Variants in TMEM74 observed in about 807,000 individuals in gnomAD.
TMEM74 encodes transmembrane protein 74.
Under a neutral mutation model 18.1 loss-of-function variants are expected in TMEM74, and 13 were observed. The ratio of observed to expected loss-of-function variants is 0.72; its 90% CI spans 0.47 to 1.14. TMEM74 has a LOEUF of 1.14. Among genes scored for constraint, TMEM74 ranks in the 50% most tolerant of loss-of-function variants. The pLI is 0.00. For synonymous variants in TMEM74, 159 were observed against 146.6 expected, an observed-to-expected ratio of 1.08 and a Z score of -0.61; for missense variants, 372 against 375.9, an observed-to-expected ratio of 0.99 and a Z score of 0.09.
downstream of TMEM74, among the ~76,000 whole-genome samples, chr8:108,775,773 A>T (rs1356570172): frequency 6.6e-6 from 1 of 152,114 alleles, no homozygotes; most frequent in Non-Finnish European, 1.5e-5. Flanking sequence ...GCAATCAAGA[A>T]ATTCTTTCCT....
At chr8:108,770,619 A>G (rs76971017) in intron 1 of TMEM74, among the ~76,000 whole-genome samples, 1,994 of 152,162 alleles carry the variant, frequency 0.013, 20 homozygotes, top group Middle Eastern at 0.068. Flanking sequence ...TTTCTACTCT[A>G]TTTTCCTCAG....
intron 1 of TMEM74, among the ~76,000 whole-genome samples, chr8:108,741,368 G>A (rs1813798553): frequency 6.6e-6 from 1 of 152,174 alleles, no homozygotes; most frequent in East Asian, 1.9e-4. Context: ...TCTTTTGTAT[G>A]TATAAAGCAT....
intron 2 of TMEM74, among the ~76,000 whole-genome samples, chr8:108,621,970 A>G (rs1563734199): frequency 6.6e-6 from 1 of 152,236 alleles, no homozygotes; most frequent in East Asian, 1.9e-4. Flanking sequence ...ACATATGTAG[A>G]AAAATCTTCC....
In TMEM74 at chr8:108,679,574, C is replaced by T. The variant is rs568374234; in HGVS notation, n.120-24137G>A. On this transcript the variant is annotated intron_variant and non_coding_transcript_variant, in intron 1 of 3. Transcript: ENST00000518838. ...TTGAGAAGTGTCTGTTCATATCCTT[C>T]GCCCACTTTTTGATGGGGTTGTTTG... 7.2e-4 allele frequency among the ~76,000 whole-genome samples: 110 copies of T among 152,218 alleles called. 1 individual carries two copies. Among genetic ancestry groups the T allele is most frequent in the Non-Finnish European group, 8.8e-4 (60 of 68,002 alleles).
At chr8:108,709,499 T>TA (rs1248985207) in intron 1 of TMEM74, among the ~76,000 whole-genome samples, 1 of 152,142 alleles carries the variant, frequency 6.6e-6, no homozygotes, top group Non-Finnish European at 1.5e-5. Flanking sequence ...AAACAGAGAA[T>TA]ACAGTAGTGG....
intron 1 of TMEM74, among the ~76,000 whole-genome samples, chr8:108,672,846 G>A (rs1285064453): frequency 6.6e-6 from 1 of 152,198 alleles, no homozygotes; most frequent in East Asian, 1.9e-4. Context: ...AGCAAGACCA[G>A]TTCTTCACTC....
At chr8:108,690,031 A>G (rs1010983852) in intron 1 of TMEM74, among the ~76,000 whole-genome samples, 3 of 152,184 alleles carry the variant, frequency 2.0e-5, no homozygotes, top group Non-Finnish European at 2.9e-5. Context: ...TGGGTTAGAG[A>G]AGTACATAAA....
rs184727678 is a variant in TMEM74 at position 108,730,587 on chromosome 8, C to G, written n.119+56889G>C. Among the ~76,000 whole-genome samples the G allele has an allele frequency of 1.3e-3, 191 of 151,234 alleles. 1 individual carries two copies. Among genetic ancestry groups the G allele is most frequent in the African/African-American group, 4.5e-3 (183 of 40,996 alleles). On this transcript the variant is annotated intron_variant and non_coding_transcript_variant, in intron 1 of 3. Coordinates refer to the TMEM74 transcript ENST00000518838. ...TTTATTCACCTTTTATTGTGCATCTCCAGAATGTAAAACTATACGCTTTAG... is the reference window on the plus strand; with the variant it reads ...TTTATTCACCTTTTATTGTGCATCTGCAGAATGTAAAACTATACGCTTTAG...
At chr8:108,723,173 T>C (rs1279717639) in intron 1 of TMEM74, among the ~76,000 whole-genome samples, 2 of 152,216 alleles carry the variant, frequency 1.3e-5, no homozygotes, top group African/African-American at 2.4e-5. Flanking sequence ...TGTTTTTTAT[T>C]CTGGATTCTG....
intron 2 of TMEM74, among the ~76,000 whole-genome samples, chr8:108,642,300 G>T (rs2130562805): frequency 6.6e-6 from 1 of 151,162 alleles, no homozygotes; most frequent in East Asian, 2.0e-4. Context: ...TCAGGAGGCT[G>T]AGACAGGAGA....
intron 1 of TMEM74, among the ~76,000 whole-genome samples, chr8:108,706,438 A>C (rs924223018): frequency 3.3e-5 from 5 of 152,306 alleles, no homozygotes; most frequent in Admixed American, 2.6e-4. Flanking sequence ...TCTTCCCTGC[A>C]TATCTACACA....
Position 108,785,004 on chromosome 8 carries a change from T to C in TMEM74, c.95A>G (p.Asp32Gly), listed in dbSNP as rs1814363805. 2 of 1,614,054 alleles carry C rather than the reference T, an allele frequency of 1.2e-6. No individual in the cohort carries two copies. The highest frequency in any genetic ancestry group is 2.2e-5 in the East Asian group (1 of 44,884). ...SSRGLPGDQA[D>G]TAATRAALCC... is the part of the protein sequence containing the mutation. ...GAGAGCAGCTCTTGTGGCTGCTGTA[T>C]CTGCCTGGTCACCAGGCAGCCCTCT... The change falls in exon 2 of 2, where the codon GAT becomes GGT. Residue 32 changes from aspartate (D) to glycine (G), a missense_variant. Asp to Gly is a moderately conservative substitution (Grantham distance 94, BLOSUM62 -1). Transcript: ENST00000297459.
At chr8:108,610,103 A>T (rs1029910777) in intron 2 of TMEM74, among the ~76,000 whole-genome samples, 1 of 152,228 alleles carries the variant, frequency 6.6e-6, no homozygotes, top group African/African-American at 2.4e-5. Context: ...AAAGATTTTG[A>T]CCTGAACTAG....
chr8:108,720,809 C>G (rs937087188), intron 1 of TMEM74, among the ~76,000 whole-genome samples: 2 of 152,040 alleles, frequency 1.3e-5, no homozygotes, highest in Non-Finnish European at 2.9e-5. Context: ...TGCTCTGTCG[C>G]CCAGGCTGGA....
rs1813971865 is a variant in TMEM74, at chr8:108,756,652, GAA to G, written n.119+30822_119+30823del. ...GAAGGAAGGAAGGAAGAAAGAAAGA[GAA>G]AGAAAGAAAGAAAGAAAGAAAGAAA... On this transcript the variant is annotated intron_variant and non_coding_transcript_variant, in intron 1 of 3. Transcript: ENST00000518838. 1.8e-4 allele frequency among the ~76,000 whole-genome samples: 7 copies of G among 39,012 alleles called. 1 individual carries two copies. The highest frequency in any genetic ancestry group is 1.0e-3 in the African/African-American group (7 of 6,996). 25.6% of individuals were successfully genotyped at this position (39,012 alleles called of 152,430 possible). A position where few individuals can be genotyped will look rare whatever the true frequency, so the allele number is the denominator to read the frequency against.
At chr8:108,708,070 T>C (rs1222615666) in intron 1 of TMEM74, among the ~76,000 whole-genome samples, 1 of 152,150 alleles carries the variant, frequency 6.6e-6, no homozygotes, top group Non-Finnish European at 1.5e-5. Context: ...TGTTCTCTTC[T>C]TTGTGTCCAT....
At chr8:108,609,319 T>TTTAA (rs1812310435) in intron 2 of TMEM74, among the ~76,000 whole-genome samples, 1 of 151,942 alleles carries the variant, frequency 6.6e-6, no homozygotes, top group African/African-American at 2.4e-5. Flanking sequence ...CTGTTTACCT[T>TTTAA]GTTTAAGTTT....
intron 1 of TMEM74, 57 bp downstream of exon 1, chr8:108,787,419 C>A (rs1184330037): frequency 6.6e-6 from 1 of 152,360 alleles, no homozygotes; most frequent in Non-Finnish European, 1.5e-5. Context: ...TGCTAGGCTC[C>A]AGGGCTCTCA....
chr8:108,626,207 T>C (rs1265843585), intron 2 of TMEM74, among the ~76,000 whole-genome samples: 1 of 152,110 alleles, frequency 6.6e-6, no homozygotes, highest in African/African-American at 2.4e-5. Context: ...TTCTAATACA[T>C]TTATTTTCTA....
Sources: allele counts gnomAD v4.1 joint callset (sites outside exome capture counted in the v4.1 genomes callset), GRCh38; gene constraint gnomAD v4.1.1; transcripts MANE v1.5; gene names NCBI Gene and HGNC (gene_info 2026-07-23, HGNC 2026-07-21).